TPT1: variants seen among roughly 807,000 people sequenced by gnomAD.
The protein encoded by TPT1 is translationally-controlled tumor protein.
TPT1 carries 5 observed loss-of-function variants against 22.8 expected under a neutral mutation model. The observed-to-expected ratio is 0.22, with a 90% confidence interval of 0.11 to 0.46. TPT1 has a LOEUF of 0.46. Ranked by LOEUF, TPT1 falls within the 20% of genes least tolerant of loss-of-function variation. TPT1 has a pLI of 0.99. For synonymous variants in TPT1, 89 were observed against 73.6 expected (o/e 1.21, Z -1.07); for missense variants, 130 against 218.7 (o/e 0.59, Z 2.56).
At chr13:45,339,001 G>C (rs952200660) in intron 4 of TPT1, 8 of 425,858 alleles carry the variant, frequency 1.9e-5, no homozygotes, top group Non-Finnish European at 3.3e-5. Flanking sequence ...AGGAACACTA[G>C]GCTTTCAGGA....
chr13:45,340,965 C>G (rs1879083886), intron 1 of TPT1, 77 bp downstream of exon 1: 1 of 1,558,388 alleles, frequency 6.4e-7, no homozygotes, highest in African/African-American at 1.4e-5. Flanking sequence ...AGGCCCGCGA[C>G]GGCTGCGCCT....
Position 45,341,085 on chromosome 13 carries a change from G to A in TPT1, c.-16C>T, listed in dbSNP as rs200089052. On this transcript the variant is annotated 5_prime_UTR_variant, in exon 1 of 6. Coordinates refer to ENST00000530705, the MANE Select transcript of TPT1 (RefSeq NM_003295.4). ...AGATAATCATGATGGCGACTGAAGGGAGACGACGACGGCGCTAGCTTAGCA... is the reference window on the plus strand; with the variant it reads ...AGATAATCATGATGGCGACTGAAGGAAGACGACGACGGCGCTAGCTTAGCA... 3 of 1,613,036 alleles carry A rather than the reference G, an allele frequency of 1.9e-6. No homozygotes were observed. The highest frequency in any genetic ancestry group is 1.7e-5 in the Admixed American group (1 of 59,938).
chr13:45,336,670 C>T lies in TPT1; in HGVS notation c.*716G>A, dbSNP rs974273888. 2.0e-5 allele frequency: 3 copies of T among 152,250 alleles called. No individual in the cohort carries two copies. Among genetic ancestry groups the T allele is most frequent in the Non-Finnish European group, 2.9e-5 (2 of 68,102 alleles). The allele number at this position is 152,250 out of a possible 1,614,324, so 9.4% of individuals were successfully genotyped here. A position where few individuals can be genotyped will look rare whatever the true frequency, so the allele number is the denominator to read the frequency against. On this transcript the variant is annotated 3_prime_UTR_variant, in exon 6 of 6. Coordinates refer to ENST00000530705, the MANE Select transcript of TPT1 (RefSeq NM_003295.4). ...AGCCACGTTCCAATAAAACTGGACT[C>T]GAACTTAAATTCCATATCCCACAAG...
chr13:45,338,965 T>C (rs565701514), intron 4 of TPT1, 189 bp from the exon 5 acceptor site: 7 of 493,238 alleles, frequency 1.4e-5, no homozygotes, highest in Admixed American at 1.2e-4. Context: ...GTGACCTAAA[T>C]AGAAAAATAA....
At chr13:45,337,549 G>T (rs560463573) in intron 5 of TPT1, 161 bp from the exon 6 acceptor site, 1 of 1,611,268 alleles carries the variant, frequency 6.2e-7, no homozygotes, top group Non-Finnish European at 8.5e-7. Flanking sequence ...TCTTTCTTTT[G>T]CATCCTAGTG....
intron 2 of TPT1, chr13:45,340,477 C>T: frequency 1.3e-6 from 1 of 744,998 alleles, no homozygotes; most frequent in Non-Finnish European, 2.4e-6. Flanking sequence ...CTCCAGGCTC[C>T]TAAGCCGGAA....
At position 45,340,247 on chromosome 13, in the gene TPT1, C is replaced by T. The variant is rs537644991; in HGVS notation, c.103-63G>A. On this transcript the variant is annotated intron_variant, in intron 2 of 5. Coordinates refer to ENST00000530705, the MANE Select transcript of TPT1 (RefSeq NM_003295.4). The stretch of plus-strand genomic sequence containing the variant: ...AAACGCATCCAAAGCACCTTCCACG[C>T]CAATAGTTCACGGATAAGAAGTATT... 759 of 1,536,520 alleles carry T rather than the reference C, an allele frequency of 4.9e-4. 1 individual carries two copies. Among genetic ancestry groups the T allele is most frequent in the Non-Finnish European group, 6.2e-4 (696 of 1,125,650 alleles).
chr13:45,339,691 A>T, intron 3 of TPT1, 89 bp from the exon 4 acceptor site: 1 of 1,264,058 alleles, frequency 7.9e-7, no homozygotes, highest in African/African-American at 1.5e-5. Flanking sequence ...TTAAAAAAAG[A>T]AAACACTGAA....
In TPT1 at chr13:45,339,581, T is replaced by C. The variant is rs1878941965; in HGVS notation, c.315A>G (p.Glu105=). The C allele has an allele frequency of 1.2e-6, 2 of 1,613,162 alleles. No homozygotes were observed. Among genetic ancestry groups the C allele is most frequent in the African/African-American group, 2.7e-5 (2 of 75,034 alleles). The stretch of plus-strand genomic sequence containing the variant: ...AAGGTTTTACTCTTTCTGGTCTCTG[T>C]TCTTCAAGTTTCCCTTTGATTCTAA... The part of the protein sequence containing the change: ...YMKSIKGKLE[E]QRPERVKPFM... The change falls in exon 4 of 6, where the codon GAA becomes GAG. Residue 105 remains glutamate (E), a synonymous_variant. Coordinates refer to ENST00000530705, the MANE Select transcript of TPT1 (RefSeq NM_003295.4).
chr13:45,340,605 T>C, intron 2 of TPT1, 107 bp downstream of exon 2: 2 of 1,306,412 alleles, frequency 1.5e-6, no homozygotes, highest in Non-Finnish European at 2.2e-6. Context: ...GAGCGTCTCC[T>C]CCGCCAGGAG....
chr13:45,340,843 T>C (rs1392499924), intron 1 of TPT1, 58 bp from the exon 2 acceptor site: 1 of 1,484,314 alleles, frequency 6.7e-7, no homozygotes, highest in South Asian at 1.4e-5. Flanking sequence ...TTTCCCGCAT[T>C]TCCCGCGCCG....
chr13:45,340,323 G>T, intron 2 of TPT1, 139 bp from the exon 3 acceptor site: 1 of 1,172,144 alleles, frequency 8.5e-7, no homozygotes, highest in Non-Finnish European at 1.2e-6. Flanking sequence ...ATAAAGTTGT[G>T]ACCCGTGGAT....
At chr13:45,340,473 G>C (rs1229436598) in intron 2 of TPT1, 2 of 739,626 alleles carry the variant, frequency 2.7e-6, no homozygotes, top group Non-Finnish European at 4.8e-6. Flanking sequence ...AGGACTCCAG[G>C]CTCCTAAGCC....
In TPT1 at chr13:45,340,745, G is replaced by T. The variant is rs776644675; in HGVS notation, c.69C>A (p.Ile23=). The part of the protein sequence containing the change: ...MFSDIYKIRE[I]ADGLCLEVEG... Reference sequence around the variant, plus strand: ...CCACCTCCAGGCACAACCCGTCCGCGATCTCCCGGATCTTGTAGATGTCGG... The same window carrying T: ...CCACCTCCAGGCACAACCCGTCCGCTATCTCCCGGATCTTGTAGATGTCGG... Residue 23 remains isoleucine (I), a synonymous_variant, in exon 2 of 6, where the codon ATC becomes ATA. Coordinates refer to ENST00000530705, the MANE Select transcript of TPT1 (RefSeq NM_003295.4). 2.0e-6 allele frequency: 3 copies of T among 1,520,670 alleles called. No individual in the cohort carries two copies. Among genetic ancestry groups the T allele is most frequent in the Non-Finnish European group, 2.6e-6 (3 of 1,135,370 alleles). 94.2% of individuals were successfully genotyped at this position (1,520,670 alleles called of 1,614,324 possible).
At position 45,341,160 on chromosome 13, in the gene TPT1, G is replaced by A. The variant is rs11552478; in HGVS notation, c.-91C>T. ...CGGTGCAGCCGGAGCGGCGCTCGGG[G>A]GGAGGGGGGAGCGGGCGGAAAAGGC... On this transcript the variant is annotated 5_prime_UTR_variant, in exon 1 of 6. Coordinates refer to ENST00000530705, the MANE Select transcript of TPT1 (RefSeq NM_003295.4). 1.0e-5 allele frequency: 16 copies of A among 1,558,708 alleles called. No individual in the cohort carries two copies. In the Admixed American group the frequency reaches 1.1e-4, roughly 11 times the overall value.
At chr13:45,340,828 C>T (rs1336341054) in intron 1 of TPT1, 43 bp from the exon 2 acceptor site, 5 of 1,495,208 alleles carry the variant, frequency 3.3e-6, no homozygotes, top group African/African-American at 1.4e-5. Context: ...CGCCTGGCGC[C>T]GCCATTTCCC....
intron 3 of TPT1, 124 bp downstream of exon 3, chr13:45,339,870 T>C: frequency 9.2e-7 from 1 of 1,087,656 alleles, no homozygotes; most frequent in Non-Finnish European, 1.3e-6. Context: ...TTCCGTGAAC[T>C]CATTAATAAA....
Position 45,339,557 on chromosome 13 carries a change from A to C in TPT1, c.339T>G (p.Pro113=), listed in dbSNP as rs748115285. 1 of 1,613,896 alleles carries C rather than the reference A, an allele frequency of 6.2e-7. No homozygotes were observed. The highest frequency in any genetic ancestry group is 8.5e-7 in the Non-Finnish European group (1 of 1,179,958). Residue 113 remains proline, a synonymous_variant, in exon 4 of 6, where the codon CCT becomes CCG. Coordinates refer to ENST00000530705, the MANE Select transcript of TPT1 (RefSeq NM_003295.4). ...LEEQRPERVK[P]FMTGAAEQIK... The stretch of plus-strand genomic sequence containing the variant: ...TTTGTTCTGCAGCCCCTGTCATAAA[A>C]GGTTTTACTCTTTCTGGTCTCTGTT...
chr13:45,338,969 AAAAT>A (rs1179601704), intron 4 of TPT1, 193 bp from the exon 5 acceptor site: 3 of 488,568 alleles, frequency 6.1e-6, no homozygotes, highest in Non-Finnish European at 1.1e-5. Context: ...CCTAAATAGA[AAAAT>A]AACGTACAGA....
Sources: allele counts gnomAD v4.1 joint callset, GRCh38; gene constraint gnomAD v4.1.1; transcripts MANE v1.5; gene names NCBI Gene and HGNC (gene_info 2026-07-23, HGNC 2026-07-21).